The following SLC24A2 variants were observed in gnomAD, a reference collection of about 807,000 sequenced individuals.
The protein encoded by SLC24A2 is solute carrier family 24 member 2.
Under a neutral mutation model 62.0 loss-of-function variants are expected in SLC24A2, and 36 were observed. The ratio of observed to expected loss-of-function variants is 0.58; its 90% CI spans 0.44 to 0.77. The LOEUF is 0.77. SLC24A2 is among the 30% of genes least tolerant of loss of function. The pLI is 0.00. For synonymous variants in SLC24A2, 358 were observed against 294.0 expected, an observed-to-expected ratio of 1.22 and a Z score of -2.23; for missense variants, 846 against 817.9, an observed-to-expected ratio of 1.03 and a Z score of -0.42.
the SLC24A2 span, among the ~76,000 whole-genome samples, chr9:19,839,929 T>C: frequency 6.6e-6 from 1 of 152,222 alleles, no homozygotes; most frequent in Non-Finnish European, 1.5e-5. Flanking sequence ...GGCTATACCA[T>C]ATACCTTAGG....
chr9:19,911,091 C>T, the SLC24A2 span, among the ~76,000 whole-genome samples: 1 of 130,278 alleles, frequency 7.7e-6, no homozygotes, highest in Admixed American at 8.8e-5. Context: ...CAACAGTCCC[C>T]AGAGTGTGAT....
At chr9:20,230,927 G>A in the SLC24A2 span, among the ~76,000 whole-genome samples, 20,638 of 152,140 alleles carry the variant, frequency 0.14, 1,649 homozygotes, top group African/African-American at 0.22. Context: ...GTAAGGAAGT[G>A]ATCCAGTCTC....
At chr9:19,545,161 T>C (rs1190953071) in intron 8 of SLC24A2, among the ~76,000 whole-genome samples, 2 of 151,932 alleles carry the variant, frequency 1.3e-5, no homozygotes, top group Non-Finnish European at 2.9e-5. Flanking sequence ...GTCTTCTCAC[T>C]TCATTTCATT....
chr9:20,214,641 T>A, the SLC24A2 span, among the ~76,000 whole-genome samples: 1 of 151,282 alleles, frequency 6.6e-6, no homozygotes, highest in African/African-American at 2.4e-5. Flanking sequence ...AAAAAAAAAA[T>A]TGTTAAAAGG....
the SLC24A2 span, among the ~76,000 whole-genome samples, chr9:20,096,075 C>T: frequency 6.9e-6 from 1 of 144,372 alleles, no homozygotes; most frequent in East Asian, 2.0e-4. Context: ...CTGTATCCAT[C>T]CATCCATCCA....
At chr9:20,073,733 C>T in the SLC24A2 span, among the ~76,000 whole-genome samples, 1 of 151,904 alleles carries the variant, frequency 6.6e-6, no homozygotes, top group Non-Finnish European at 1.5e-5. Context: ...AACTAAAATT[C>T]TCATCCTTCT....
the SLC24A2 span, among the ~76,000 whole-genome samples, chr9:20,115,062 T>A: frequency 3.3e-5 from 5 of 152,190 alleles, no homozygotes; most frequent in East Asian, 7.7e-4. Flanking sequence ...AGAGGAAGAA[T>A]CAATTAATTT....
At chr9:20,153,081 C>A in the SLC24A2 span, among the ~76,000 whole-genome samples, 2 of 151,832 alleles carry the variant, frequency 1.3e-5, no homozygotes, top group East Asian at 1.9e-4. Flanking sequence ...AATTTAGAAA[C>A]CTCAGACAAA....
the SLC24A2 span, among the ~76,000 whole-genome samples, chr9:20,010,323 A>C: frequency 6.6e-6 from 1 of 152,182 alleles, no homozygotes; most frequent in African/African-American, 2.4e-5. Flanking sequence ...GGATCAGTGT[A>C]AGAATACAAA....
At chr9:20,163,629 T>C in the SLC24A2 span, among the ~76,000 whole-genome samples, 32 of 152,108 alleles carry the variant, frequency 2.1e-4, no homozygotes, top group Non-Finnish European at 3.4e-4. Context: ...TGGAAAAAAC[T>C]ACTTTAAAGT....
the SLC24A2 span, among the ~76,000 whole-genome samples, chr9:19,933,087 G>C: frequency 2.6e-5 from 4 of 152,214 alleles, no homozygotes; most frequent in African/African-American, 9.6e-5. Context: ...AGAGGCTTGA[G>C]CTCTTTAGGT....
At chr9:19,834,812 G>C in the SLC24A2 span, among the ~76,000 whole-genome samples, 2 of 152,140 alleles carry the variant, frequency 1.3e-5, no homozygotes, top group African/African-American at 4.8e-5. Context: ...AAAATGTTAA[G>C]GGCAGCCAGA....
At chr9:19,639,762 T>C (rs1432761509) in intron 2 of SLC24A2, among the ~76,000 whole-genome samples, 1 of 152,254 alleles carries the variant, frequency 6.6e-6, no homozygotes, top group Admixed American at 6.5e-5. Flanking sequence ...GTATAAAAGC[T>C]TGGCTAAGAT....
At chr9:20,090,773 C>G in the SLC24A2 span, among the ~76,000 whole-genome samples, 1 of 152,130 alleles carries the variant, frequency 6.6e-6, no homozygotes, top group Admixed American at 6.5e-5. Context: ...AATGCAAGAA[C>G]TCCAGCAACT....
In SLC24A2 at chr9:19,599,969, GT is replaced by G. The variant is rs35650734; in HGVS notation, c.1079-2691del. 2.0e-5 allele frequency among the ~76,000 whole-genome samples: 3 copies of G among 152,136 alleles called. No homozygotes were observed. Among genetic ancestry groups the G allele is most frequent in the African/African-American group, 4.8e-5 (2 of 41,438 alleles). ...TCAAACTGGGGCTAATCCAAGGTTA[GT>G]TTTTTTGGGGATAGGAGGAAAGAAG... On this transcript the variant is annotated intron_variant, in intron 4 of 10. Coordinates refer to ENST00000341998, the MANE Select transcript of SLC24A2 (RefSeq NM_020344.4). This position sits in a 1 kb window ranked among gnomAD's most constrained non-coding sequence, Gnocchi z 4.5.
chr9:20,050,531 G>C, the SLC24A2 span, among the ~76,000 whole-genome samples: 1 of 152,170 alleles, frequency 6.6e-6, no homozygotes, highest in Non-Finnish European at 1.5e-5. Context: ...CAGAGGAATA[G>C]AGACCTCATG....
chr9:19,993,562 C>A, the SLC24A2 span, among the ~76,000 whole-genome samples: 1 of 152,140 alleles, frequency 6.6e-6, no homozygotes, highest in Non-Finnish European at 1.5e-5. Flanking sequence ...TCATTCAACA[C>A]GGTTAACATT....
intron 2 of SLC24A2, among the ~76,000 whole-genome samples, chr9:19,756,087 A>G (rs1303206293): frequency 1.3e-5 from 2 of 152,194 alleles, no homozygotes; most frequent in African/African-American, 4.8e-5. Context: ...GTTACCTGCT[A>G]CCTGCTAACT....
chr9:19,857,995 A>G, the SLC24A2 span, among the ~76,000 whole-genome samples: 1 of 152,224 alleles, frequency 6.6e-6, no homozygotes, highest in African/African-American at 2.4e-5. Flanking sequence ...AGAATTAGAA[A>G]AAAATCTGTT....
Sources: gnomAD v4.1 joint callset for allele counts (sites outside exome capture counted in the v4.1 genomes callset) on GRCh38, gnomAD v4.1.1 for gene constraint, Gnocchi (gnomAD v3.1) non-coding constraint, MANE v1.5 for transcripts, NCBI Gene and HGNC (gene_info 2026-07-23, HGNC 2026-07-21) for gene names.